Variants in DISC1 observed in about 807,000 individuals in gnomAD.
DISC1 encodes the protein DISC1 scaffold protein.
A neutral mutation model predicts 84.5 loss-of-function variants in DISC1; 57 were observed. The observed-to-expected ratio is 0.67, with a 90% CI of 0.55 to 0.84. The LOEUF (loss-of-function observed/expected upper bound fraction) is 0.84, where lower values mean the gene tolerates loss of function less well. DISC1 is among the 40% of genes least tolerant of loss of function. DISC1 has a pLI of 0.00. For synonymous variants in DISC1, 411 were observed against 415.2 expected, an observed-to-expected ratio of 0.99 and a Z score of 0.12; for missense variants, 1,000 against 1,057.8, an observed-to-expected ratio of 0.95 and a Z score of 0.76.
At chr1:231,893,252 G>A (rs1270633172) in intron 9 of DISC1, among the ~76,000 whole-genome samples, 1 of 151,984 alleles carries the variant, frequency 6.6e-6, no homozygotes, top group Non-Finnish European at 1.5e-5. Context: ...AATAGCAGGA[G>A]ATAAGGTTGA....
chr1:231,885,403 T>TA (rs1432789457), intron 9 of DISC1, among the ~76,000 whole-genome samples: 3 of 152,160 alleles, frequency 2.0e-5, no homozygotes, highest in Non-Finnish European at 4.4e-5. Flanking sequence ...GCTATGGAGA[T>TA]AAGAGTGAGG....
chr1:231,967,979 T>G (rs200629954), intron 10 of DISC1, among the ~76,000 whole-genome samples: 2 of 152,224 alleles, frequency 1.3e-5, no homozygotes, highest in Non-Finnish European at 2.9e-5. Flanking sequence ...CCATAGTAGT[T>G]CACTATTCTA....
chr1:231,637,413 G>T (rs73111701), intron 1 of DISC1, among the ~76,000 whole-genome samples: 40 of 152,230 alleles, frequency 2.6e-4, no homozygotes, highest in African/African-American at 8.9e-4. Context: ...TTTGCCTAAT[G>T]GTCAAGTCGG....
chr1:231,800,067 G>C (rs2079102059), intron 7 of DISC1, 41 bp from the exon 8 acceptor site: 2 of 1,514,768 alleles, frequency 1.3e-6, no homozygotes, highest in African/African-American at 2.8e-5. Context: ...CTGATTTTTA[G>C]CTGAATAAAT....
rs1193572714 is a variant in DISC1 at position 232,038,607 on chromosome 1, C to T, written c.*1776C>T. On this transcript the variant is annotated 3_prime_UTR_variant, in exon 13 of 13. Transcript: ENST00000439617. ...TTTTTCATGTAACTCCTATTCATAT[C>T]CCATAGATCTAGTATTGTACAGCAC... is the stretch of plus-strand genomic sequence containing the variant. 1 of 152,012 alleles carries T rather than the reference C, an allele frequency of 6.6e-6. No individual in the cohort carries two copies. Among genetic ancestry groups the T allele is most frequent in the Non-Finnish European group, 1.5e-5 (1 of 68,000 alleles). The allele number at this position is 152,012 out of a possible 1,614,324, so 9.4% of individuals were successfully genotyped here. A position where few individuals can be genotyped will look rare whatever the true frequency, so the allele number is the denominator to read the frequency against.
intron 6 of DISC1, among the ~76,000 whole-genome samples, chr1:231,776,192 T>C (rs940300706): frequency 6.6e-6 from 1 of 152,018 alleles, no homozygotes; most frequent in Non-Finnish European, 1.5e-5. Context: ...AACGGCAAAG[T>C]GAGGGAGGAA....
At chr1:231,784,853 C>G (rs1480386774) in intron 6 of DISC1, among the ~76,000 whole-genome samples, 2 of 152,184 alleles carry the variant, frequency 1.3e-5, no homozygotes, top group African/African-American at 4.8e-5. Context: ...TCAGATCTCT[C>G]TCCACTGCAC....
chr1:231,871,260 C>G (rs1574345522), intron 9 of DISC1, among the ~76,000 whole-genome samples: 2 of 152,338 alleles, frequency 1.3e-5, no homozygotes, highest in East Asian at 3.9e-4. Context: ...TCGCCATTCT[C>G]TCCTCAGAGT....
At chr1:231,883,900 AG>A (rs2086475197) in intron 9 of DISC1, among the ~76,000 whole-genome samples, 1 of 152,124 alleles carries the variant, frequency 6.6e-6, no homozygotes, top group South Asian at 2.1e-4. Flanking sequence ...CAGAAGTAAG[AG>A]GGGCTTCTTA....
intron 9 of DISC1, among the ~76,000 whole-genome samples, chr1:231,913,684 T>C (rs1459475591): frequency 6.6e-6 from 1 of 152,220 alleles, no homozygotes; most frequent in African/African-American, 2.4e-5. Flanking sequence ...CTCATTTTCA[T>C]GTCAAGAAGG....
chr1:231,716,144 C>G (rs201451569), intron 3 of DISC1, among the ~76,000 whole-genome samples: 1 of 151,804 alleles, frequency 6.6e-6, no homozygotes, highest in Non-Finnish European at 1.5e-5. Context: ...TACCCGCTAC[C>G]CCCGGGTGCT....
At chr1:231,674,465 A>G (rs999500153) in intron 1 of DISC1, among the ~76,000 whole-genome samples, 3 of 152,218 alleles carry the variant, frequency 2.0e-5, no homozygotes, top group East Asian at 1.9e-4. Context: ...TTTCATTTCT[A>G]TGGCACTTTG....
At chr1:231,691,810 C>A (rs1451780801) in intron 1 of DISC1, among the ~76,000 whole-genome samples, 1 of 152,176 alleles carries the variant, frequency 6.6e-6, no homozygotes, top group South Asian at 2.1e-4. Context: ...CTCTCTGCCC[C>A]CTCCTAACGC....
At chr1:231,972,557 G>A (rs1170252853) in intron 10 of DISC1, among the ~76,000 whole-genome samples, 2 of 152,158 alleles carry the variant, frequency 1.3e-5, no homozygotes, top group Non-Finnish European at 2.9e-5. Context: ...GTCTACCTAG[G>A]AAGAAGGATT....
intron 10 of DISC1, among the ~76,000 whole-genome samples, chr1:231,986,931 T>G (rs893623222): frequency 2.6e-5 from 4 of 152,224 alleles, no homozygotes; most frequent in African/African-American, 9.6e-5. Flanking sequence ...GTTGCTGCTC[T>G]AAGGTCTGTC....
At chr1:232,017,637 G>A (rs16856189) in intron 11 of DISC1, among the ~76,000 whole-genome samples, 22,828 of 151,834 alleles carry the variant, frequency 0.15, 2,936 homozygotes, top group African/African-American at 0.34. Flanking sequence ...GTTGAGTCAC[G>A]GCAAAGAGTA....
chr1:231,871,756 G>T (rs961137396), intron 9 of DISC1, among the ~76,000 whole-genome samples: 1 of 152,166 alleles, frequency 6.6e-6, no homozygotes, highest in Non-Finnish European at 1.5e-5. Flanking sequence ...TGCCTTTGGG[G>T]TGCATGCGTG....
intron 10 of DISC1, among the ~76,000 whole-genome samples, chr1:232,007,098 C>T (rs149185791): frequency 0.047 from 7,211 of 152,232 alleles, 564 homozygotes; most frequent in African/African-American, 0.16. Context: ...TGTATGGAAA[C>T]GCCTGGATTT....
In DISC1 at chr1:231,641,412, C is replaced by T. The variant is rs532958414; in HGVS notation, c.67+14478C>T. Among the ~76,000 whole-genome samples the T allele has an allele frequency of 9.2e-5, 14 of 151,684 alleles. 1 individual carries two copies. In the East Asian group the frequency reaches 2.7e-3, roughly 30 times the overall value. The stretch of plus-strand genomic sequence containing the variant: ...TTAAGGCGGCGCGTCTGGAGTCGTT[C>T]GTTCCTCCTTGTAGGTTCGTGGTCT... On this transcript the variant is annotated intron_variant, in intron 1 of 12. Coordinates refer to ENST00000439617, the MANE Select transcript of DISC1 (RefSeq NM_018662.3).
Sources: gnomAD v4.1 joint callset for allele counts (sites outside exome capture counted in the v4.1 genomes callset) on GRCh38, gnomAD v4.1.1 for gene constraint, MANE v1.5 for transcripts, NCBI Gene and HGNC (gene_info 2026-07-23, HGNC 2026-07-21) for gene names.